Variants in AXDND1 observed in about 807,000 individuals in gnomAD.
AXDND1 encodes axonemal dynein light chain domain-containing protein 1.
Under a neutral mutation model 137.5 loss-of-function variants are expected in AXDND1, and 110 were observed. That is an observed-to-expected ratio of 0.80 (90% confidence interval 0.69 to 0.94). AXDND1 has a LOEUF of 0.94. Among genes scored for constraint, AXDND1 ranks in the 40% least tolerant of loss-of-function variants. The probability of loss-of-function intolerance (pLI) is 0.00; values close to 1 mark genes in which losing one functional copy is unlikely to be tolerated. For synonymous variants in AXDND1, 414 were observed against 399.7 expected (o/e 1.04, Z -0.43); for missense variants, 1,191 against 1,169.8 (o/e 1.02, Z -0.26).
At chr1:179,538,117 A>G (rs1671743710) in intron 25 of AXDND1, among the ~76,000 whole-genome samples, 2 of 151,842 alleles carry the variant, frequency 1.3e-5, no homozygotes, top group Non-Finnish European at 2.9e-5. Context: ...CGGTCTATCT[A>G]TTTTGTTAAT....
intron 17 of AXDND1, among the ~76,000 whole-genome samples, chr1:179,478,821 T>C (rs10913786): frequency 0.55 from 83,565 of 152,106 alleles, 23,270 homozygotes; most frequent in East Asian, 0.76. Context: ...AATACCTGGC[T>C]GGGTATGGTG....
intron 11 of AXDND1, among the ~76,000 whole-genome samples, chr1:179,397,382 G>A (rs945227856): frequency 1.2e-4 from 18 of 151,978 alleles, no homozygotes; most frequent in Admixed American, 1.2e-3. Context: ...TCCTTTTGTA[G>A]GTGACCTGAC....
chr1:179,432,782 T>G (rs1657573436), intron 15 of AXDND1, among the ~76,000 whole-genome samples: 1 of 151,932 alleles, frequency 6.6e-6, no homozygotes, highest in South Asian at 2.1e-4. Context: ...CTCACACCTG[T>G]AATTCCAGCT....
intron 25 of AXDND1, among the ~76,000 whole-genome samples, chr1:179,546,612 A>G (rs1460899978): frequency 6.6e-6 from 1 of 152,102 alleles, no homozygotes; most frequent in East Asian, 1.9e-4. Flanking sequence ...CCATTTTTCT[A>G]GAAAGCTGCT....
intron 12 of AXDND1, among the ~76,000 whole-genome samples, chr1:179,417,358 G>A (rs1383899975): frequency 6.6e-6 from 1 of 151,932 alleles, no homozygotes; most frequent in African/African-American, 2.4e-5. Flanking sequence ...TGATGTAATT[G>A]CTTTTTCTTT....
chr1:179,493,201 C>T (rs1400439326), intron 20 of AXDND1, among the ~76,000 whole-genome samples: 2 of 73,258 alleles, frequency 2.7e-5, no homozygotes, highest in African/African-American at 8.5e-5. Context: ...AATGTCTGAT[C>T]TACTAACACC....
chr1:179,460,160 T>G (rs1662110606), intron 16 of AXDND1, among the ~76,000 whole-genome samples: 1 of 152,036 alleles, frequency 6.6e-6, no homozygotes, highest in African/African-American at 2.4e-5. Flanking sequence ...ATCATTTACA[T>G]TAGGTGTATC....
chr1:179,533,850 T>A lies in AXDND1; in HGVS notation c.2771T>A (p.Val924Glu). 6.2e-7 allele frequency: 1 copy of A among 1,613,262 alleles called. No homozygotes were observed. Among genetic ancestry groups the A allele is most frequent in the Non-Finnish European group, 8.5e-7 (1 of 1,179,380 alleles). Residue 924 changes from valine (V) to glutamate (E), a missense_variant, in exon 24 of 26, where the codon GTA (valine) becomes GAA (glutamate). Physicochemically the swap from Val to Glu is moderately radical, Grantham distance 121 (BLOSUM62 -2). Transcript: ENST00000367618. The stretch of plus-strand genomic sequence containing the variant: ...CAAAAATATCTTGAAGCAATGGCTG[T>A]AATTGAACATATGCAGGAGAAGTTA... ...LAQKYLEAMA[V>E]IEHMQEKLLE...
At chr1:179,523,867 C>T (rs887902383) in intron 21 of AXDND1, among the ~76,000 whole-genome samples, 1 of 152,134 alleles carries the variant, frequency 6.6e-6, no homozygotes, top group Non-Finnish European at 1.5e-5. Flanking sequence ...TCACCTCCCA[C>T]CCTTTTCCCC....
intron 20 of AXDND1, among the ~76,000 whole-genome samples, chr1:179,495,943 A>C (rs1440965511): frequency 6.7e-6 from 1 of 149,490 alleles, no homozygotes; most frequent in African/African-American, 2.5e-5. Flanking sequence ...GATGTTATCA[A>C]ATCCTTTCGC....
At chr1:179,465,623 G>T (rs1224447237) in intron 16 of AXDND1, among the ~76,000 whole-genome samples, 2 of 152,290 alleles carry the variant, frequency 1.3e-5, no homozygotes, top group African/African-American at 2.4e-5. Context: ...ACTCTGTGCT[G>T]GGAGAACCAC....
intron 16 of AXDND1, among the ~76,000 whole-genome samples, chr1:179,467,599 G>A (rs1322148203): frequency 6.6e-6 from 1 of 152,112 alleles, no homozygotes; most frequent in Non-Finnish European, 1.5e-5. Flanking sequence ...TGGTATCCAT[G>A]GGGGTCCTGA....
chr1:179,398,673 C>T (rs547643432), intron 11 of AXDND1, among the ~76,000 whole-genome samples: 2 of 152,168 alleles, frequency 1.3e-5, no homozygotes, highest in East Asian at 3.9e-4. Context: ...CTGGCAGATG[C>T]AGGTCTATGT....
intron 17 of AXDND1, among the ~76,000 whole-genome samples, chr1:179,478,790 T>C (rs993805212): frequency 2.6e-5 from 4 of 152,256 alleles, no homozygotes; most frequent in Admixed American, 6.5e-5. Flanking sequence ...ACTTTTATGC[T>C]CTGTTTCCCT....
intron 25 of AXDND1, chr1:179,552,443 A>G: frequency 1.5e-6 from 1 of 676,570 alleles, no homozygotes; most frequent in South Asian, 1.6e-5. Context: ...TCAGGGGACT[A>G]TTAACACACT....
At chr1:179,476,301 A>G (rs1246782703) in intron 17 of AXDND1, among the ~76,000 whole-genome samples, 1 of 152,226 alleles carries the variant, frequency 6.6e-6, no homozygotes, top group East Asian at 1.9e-4. Flanking sequence ...GTTTTGGCAT[A>G]TATATTACAC....
In AXDND1 at chr1:179,491,749, A is replaced by T; in HGVS notation, c.2291+12A>T. 1 of 1,525,144 alleles carries T rather than the reference A, an allele frequency of 6.6e-7. No homozygotes were observed. Among genetic ancestry groups the T allele is most frequent in the Non-Finnish European group, 8.8e-7 (1 of 1,138,946 alleles). The allele number at this position is 1,525,144 out of a possible 1,614,324, so 94.5% of individuals were successfully genotyped here. A position where few individuals can be genotyped will look rare whatever the true frequency, so the allele number is the denominator to read the frequency against. On this transcript the variant is annotated intron_variant, in intron 19 of 25. Coordinates refer to ENST00000367618, the MANE Select transcript of AXDND1 (RefSeq NM_144696.6). ...AGCTATTTGAGCAGGTGAAGCGGTT[A>T]TTTTATTGTTGCCCTTTTGAAGAAT...
At chr1:179,452,864 C>T (rs1660747150) in intron 16 of AXDND1, 2 of 151,780 alleles carry the variant, frequency 1.3e-5, no homozygotes, top group East Asian at 3.9e-4. Flanking sequence ...GCAGCCCCTT[C>T]CCATCATAAG....
At chr1:179,366,263 C>T (rs1667384069) in intron 1 of AXDND1, 141 bp from the exon 2 acceptor site, 2 of 316,210 alleles carry the variant, frequency 6.3e-6, no homozygotes, top group Non-Finnish European at 1.2e-5. Flanking sequence ...TTCTTAGTCG[C>T]TACACATAAC....
Sources: gnomAD v4.1 joint callset for allele counts (sites outside exome capture counted in the v4.1 genomes callset) on GRCh38, gnomAD v4.1.1 for gene constraint, MANE v1.5 for transcripts, NCBI Gene and HGNC (gene_info 2026-07-23, HGNC 2026-07-21) for gene names.